The following TBL1X variants were observed in gnomAD, a reference collection of about 807,000 sequenced individuals.
The protein encoded by TBL1X is transducin beta like 1 X-linked, also known as F-box-like/WD repeat-containing protein TBL1X.
A neutral mutation model predicts 50.7 loss-of-function variants in TBL1X; 10 were observed. That is an observed-to-expected ratio of 0.20 (90% CI 0.12 to 0.33). TBL1X has a LOEUF of 0.33. Among genes scored for constraint, TBL1X ranks in the 10% least tolerant of loss-of-function variants. The pLI is 1.00. For synonymous variants in TBL1X, 190 were observed against 214.7 expected (o/e 0.88, Z 1.01); for missense variants, 340 against 504.4 (o/e 0.67, Z 3.12).
chrX:9,630,558 T>C (rs1014741152), intron 2 of TBL1X, among the ~76,000 whole-genome samples: 1 of 112,840 alleles, frequency 8.9e-6, no homozygotes, highest in Admixed American at 9.3e-5. Flanking sequence ...ATAATTGTTA[T>C]ATTGTTTTTA....
At chrX:9,614,886 A>G (rs1249510316) in intron 2 of TBL1X, among the ~76,000 whole-genome samples, 2 of 112,141 alleles carry the variant, frequency 1.8e-5, no homozygotes, top group African/African-American at 6.5e-5. Flanking sequence ...CCAGGGCTCC[A>G]GAAACTTAAC....
chrX:9,712,544 C>T (rs926240620), intron 16 of TBL1X, among the ~76,000 whole-genome samples: 1 of 111,880 alleles, frequency 8.9e-6, no homozygotes, highest in Non-Finnish European at 1.9e-5. Context: ...CACATGTTGG[C>T]CAGGATGGTC....
intron 2 of TBL1X, among the ~76,000 whole-genome samples, chrX:9,588,418 T>C (rs1473263651): frequency 9.0e-6 from 1 of 111,558 alleles, no homozygotes; most frequent in Admixed American, 9.5e-5. Flanking sequence ...TAATGTGATA[T>C]TTAAAAAATT....
chrX:9,518,430 G>T (rs771706374), intron 2 of TBL1X, among the ~76,000 whole-genome samples: 25 of 112,417 alleles, frequency 2.2e-4, no homozygotes, highest in African/African-American at 6.1e-4. Flanking sequence ...TGCCTTGCTT[G>T]CAGAAGCCTG....
At chrX:9,686,177 T>C (rs2083058297) in intron 6 of TBL1X, among the ~76,000 whole-genome samples, 1 of 111,928 alleles carries the variant, frequency 8.9e-6, no homozygotes, top group African/African-American at 3.2e-5. Context: ...CCCTGTCTAG[T>C]TTCCTCACTG....
intron 2 of TBL1X, among the ~76,000 whole-genome samples, chrX:9,595,598 CA>C (rs912311363): frequency 2.7e-5 from 3 of 111,749 alleles, no homozygotes; most frequent in African/African-American, 9.8e-5. Flanking sequence ...TGGCTTTTAG[CA>C]AAATGGAGAC....
chrX:9,535,317 C>T (rs1416501484), intron 2 of TBL1X, among the ~76,000 whole-genome samples: 1 of 112,510 alleles, frequency 8.9e-6, no homozygotes, highest in African/African-American at 3.2e-5. Context: ...TCATCGTGCA[C>T]AGATGTGGTT....
chrX:9,715,228 T>C (rs1338209340), intron 17 of TBL1X, among the ~76,000 whole-genome samples: 3 of 112,283 alleles, frequency 2.7e-5, no homozygotes, highest in Non-Finnish European at 5.6e-5. Flanking sequence ...GTCAAATTGG[T>C]GGTTCTCAAC....
intron 2 of TBL1X, among the ~76,000 whole-genome samples, chrX:9,525,108 T>C (rs1162256754): frequency 9.0e-6 from 1 of 110,659 alleles, no homozygotes; most frequent in African/African-American, 3.3e-5. Flanking sequence ...GCTGGAGAGA[T>C]GGGAGTCAGT....
Position 9,719,575 on chromosome X carries a change from G to C in TBL1X, c.*3329G>C, listed in dbSNP as rs980875209. 5.4e-5 allele frequency: 6 copies of C among 110,493 alleles called. No homozygotes were observed. The highest frequency in any genetic ancestry group is 2.0e-4 in the African/African-American group (6 of 30,185). 9.1% of individuals were successfully genotyped at this position (110,493 alleles called of 1,213,427 possible). On this transcript the variant is annotated 3_prime_UTR_variant, in exon 18 of 18. Transcript: ENST00000645353. ...ATTGGCATTTTTCCGATTCTGTTCAGATGACAGCGACCGCCTTTTCATTCC... is the reference window on the plus strand; with the variant it reads ...ATTGGCATTTTTCCGATTCTGTTCACATGACAGCGACCGCCTTTTCATTCC...
intron 1 of TBL1X, among the ~76,000 whole-genome samples, chrX:9,472,901 A>T (rs924415927): frequency 9.2e-6 from 1 of 108,807 alleles, no homozygotes; most frequent in African/African-American, 3.4e-5. Context: ...TGACAGAGCA[A>T]GACTCCGTCT....
chrX:9,565,119 A>C (rs1175763586), intron 2 of TBL1X, among the ~76,000 whole-genome samples: 2 of 107,974 alleles, frequency 1.9e-5, no homozygotes, highest in Non-Finnish European at 3.8e-5. Context: ...AAATACAAAA[A>C]AAATTAGCCG....
intron 2 of TBL1X, among the ~76,000 whole-genome samples, chrX:9,518,789 C>T (rs1157435684): frequency 4.5e-5 from 5 of 110,820 alleles, no homozygotes; most frequent in South Asian, 3.9e-4. Context: ...GTGTTAGCTT[C>T]GGAGAGCCAC....
At chrX:9,663,987 C>T (rs868302446) in intron 5 of TBL1X, among the ~76,000 whole-genome samples, 2 of 111,019 alleles carry the variant, frequency 1.8e-5, no homozygotes, top group Admixed American at 9.6e-5. Context: ...CAGATCTACA[C>T]GTAGGATCAA....
At chrX:9,699,899 T>A (rs758905145) in intron 12 of TBL1X, among the ~76,000 whole-genome samples, 1 of 111,590 alleles carries the variant, frequency 9.0e-6, no homozygotes, top group Admixed American at 9.5e-5. Context: ...TTACTGGTGT[T>A]GCTTTAATTG....
intron 5 of TBL1X, among the ~76,000 whole-genome samples, chrX:9,676,491 A>C (rs765624538): frequency 3.6e-5 from 4 of 112,523 alleles, no homozygotes; most frequent in Non-Finnish European, 7.5e-5. Context: ...TGCGCTTGTC[A>C]GCGGCCTGAG....
chrX:9,546,425 A>G (rs1030007438), intron 2 of TBL1X, among the ~76,000 whole-genome samples: 1 of 111,713 alleles, frequency 9.0e-6, no homozygotes, highest in Admixed American at 9.5e-5. Flanking sequence ...AAGGCAGGAC[A>G]GTAGCCTGAA....
At chrX:9,632,534 C>T (rs1366684466) in intron 2 of TBL1X, among the ~76,000 whole-genome samples, 1 of 111,655 alleles carries the variant, frequency 9.0e-6, no homozygotes, top group Non-Finnish European at 1.9e-5. Context: ...CTCTCCACCT[C>T]GGCCTCCCAA....
At chrX:9,638,347 T>A (rs1220638372) in intron 2 of TBL1X, among the ~76,000 whole-genome samples, 1 of 112,547 alleles carries the variant, frequency 8.9e-6, no homozygotes, top group African/African-American at 3.2e-5. Context: ...CCAGGGCTGT[T>A]TATTGTGGTT....
Sources: allele counts gnomAD v4.1 joint callset (sites outside exome capture counted in the v4.1 genomes callset), GRCh38; gene constraint gnomAD v4.1.1; transcripts MANE v1.5; gene names NCBI Gene and HGNC (gene_info 2026-07-23, HGNC 2026-07-21).